Variants in PTCH1 observed in about 807,000 individuals in gnomAD.
The protein encoded by PTCH1 is patched 1, also known as protein patched homolog 1.
A neutral mutation model predicts 144.6 loss-of-function variants in PTCH1; 14 were observed. The ratio of observed to expected loss-of-function variants is 0.10; its 90% CI spans 0.06 to 0.15. The LOEUF is 0.15. PTCH1 is among the 10% of genes least tolerant of loss of function. The probability of loss-of-function intolerance (pLI) is 1.00; values close to 1 mark genes in which losing one functional copy is unlikely to be tolerated. For missense variants in PTCH1, 1,623 were observed against 1,948.3 expected (o/e 0.83, Z 3.14); for synonymous variants, 833 against 793.6 (o/e 1.05, Z -0.83).
intron 16 of PTCH1, among the ~76,000 whole-genome samples, 183 bp downstream of exon 16, chr9:95,461,673 G>C (rs1390546590): frequency 6.6e-6 from 1 of 152,248 alleles, no homozygotes; most frequent in Non-Finnish European, 1.5e-5. Context: ...TGGCTGGCCT[G>C]AGGTCACACA....
intron 12 of PTCH1, 99 bp from the exon 13 acceptor site, chr9:95,470,030 C>G: frequency 5.4e-6 from 5 of 931,206 alleles, no homozygotes; most frequent in Non-Finnish European, 8.7e-6. Flanking sequence ...ATTTTTCTTT[C>G]CCTTTCCTCT....
At position 95,462,429 on chromosome 9, in the gene PTCH1, T is replaced by C. The variant is rs532005528; in HGVS notation, c.2561-431A>G. On this transcript the variant is annotated intron_variant, in intron 15 of 23. Coordinates refer to ENST00000331920, the MANE Select transcript of PTCH1 (RefSeq NM_000264.5). ...CAGAGGGGAAAAAGCACATTCAAAC[T>C]CCCCCAACTTCAAACAGCAGCTCAG... Among the ~76,000 whole-genome samples the C allele has an allele frequency of 5.9e-5, 9 of 151,994 alleles. No homozygotes were observed. In the East Asian group the frequency reaches 1.6e-3, roughly 26 times the overall value.
Position 95,470,008 on chromosome 9 carries a change from C to G in PTCH1, c.1729-77G>C, listed in dbSNP as rs144935100. The G allele has an allele frequency of 2.6e-5, 28 of 1,060,986 alleles. No homozygotes were observed. The African/African-American group carries it at 3.0e-4, about 11-fold the overall frequency. 65.7% of individuals were successfully genotyped at this position (1,060,986 alleles called of 1,614,324 possible). A position where few individuals can be genotyped will look rare whatever the true frequency, so the allele number is the denominator to read the frequency against. ...GAGGACTGCTTCGAAAATAAAGATG[C>G]TTTTAAACAATATTTTTCTTTCCCT... On this transcript the variant is annotated intron_variant, in intron 12 of 23. Transcript: ENST00000331920.
At chr9:95,448,774 A>G (rs1838177105) in intron 22 of PTCH1, among the ~76,000 whole-genome samples, 2 of 151,110 alleles carry the variant, frequency 1.3e-5, no homozygotes, top group South Asian at 4.2e-4. Flanking sequence ...TGGCCTTTGA[A>G]GCCCAAACTG....
In PTCH1 at chr9:95,506,321, G is replaced by A. The variant is rs1843631363; in HGVS notation, c.394+86C>T. On this transcript the variant is annotated intron_variant, in intron 2 of 23. Coordinates refer to ENST00000331920, the MANE Select transcript of PTCH1 (RefSeq NM_000264.5). ...AGGGGGTTTCGCCGGCCGCAGCCAG[G>A]CTCTAGGTGTGCGCTGGCGAATATC... The A allele has an allele frequency of 2.1e-6, 3 of 1,457,810 alleles. No individual in the cohort carries two copies. In the Admixed American group the frequency reaches 6.0e-5, roughly 29 times the overall value. The allele number at this position is 1,457,810 out of a possible 1,614,324, so 90.3% of individuals were successfully genotyped here. A position where few individuals can be genotyped will look rare whatever the true frequency, so the allele number is the denominator to read the frequency against.
rs1843969058 is a variant in PTCH1 at position 95,508,814 on chromosome 9, C to T, written c.-453G>A. ...GCCAGCGAATCCCCGCTGCTCCCGC[C>T]GGCCGCGCTGGCTCTCTCGGCGCCT... is the stretch of plus-strand genomic sequence containing the variant. On this transcript the variant is annotated 5_prime_UTR_variant, in exon 1 of 24. Coordinates refer to ENST00000331920, the MANE Select transcript of PTCH1 (RefSeq NM_000264.5). The T allele has an allele frequency of 1.0e-6, 1 of 984,480 alleles. No individual in the cohort carries two copies. The highest frequency in any genetic ancestry group is 1.2e-6 in the Non-Finnish European group (1 of 829,628). The allele number at this position is 984,480 out of a possible 1,614,324, so 61.0% of individuals were successfully genotyped here. A position where few individuals can be genotyped will look rare whatever the true frequency, so the allele number is the denominator to read the frequency against.
At position 95,447,201 on chromosome 9, in the gene PTCH1, G is replaced by C. The variant is rs1022984391; in HGVS notation, c.4055C>G (p.Pro1352Arg). Residue 1352 changes from proline (P) to arginine (R), a missense_variant, in exon 23 of 24, where the codon CCA becomes CGA. This residue lies in a region of PTCH1 where 291 missense variants were observed against 287.4 expected (regional missense o/e 1.01). Transcript: ENST00000331920. ...RGARSHNPRN[P>R]ASTAMGSSVP... The stretch of plus-strand genomic sequence containing the variant: ...GGAGCTGCCCATGGCAGTGGACGCT[G>C]GGTTCCGAGGGTTGTGAGAACGGGC... 1 of 1,612,878 alleles carries C rather than the reference G, an allele frequency of 6.2e-7. No individual in the cohort carries two copies. Among genetic ancestry groups the C allele is most frequent in the African/African-American group, 1.3e-5 (1 of 74,952 alleles).
chr9:95,469,540 C>T (rs1309953831), intron 13 of PTCH1, among the ~76,000 whole-genome samples: 3 of 152,192 alleles, frequency 2.0e-5, no homozygotes, highest in Non-Finnish European at 4.4e-5. Context: ...AACATTCCTA[C>T]AATCGGCAAC....
intron 14 of PTCH1, 82 bp downstream of exon 14, chr9:95,468,669 A>G: frequency 4.5e-6 from 7 of 1,552,782 alleles, no homozygotes; most frequent in Non-Finnish European, 6.2e-6. Flanking sequence ...GAAAAAGAAG[A>G]AAAGTAGAAG....
chr9:95,498,693 A>G (rs527641517), intron 2 of PTCH1, among the ~76,000 whole-genome samples: 1 of 152,374 alleles, frequency 6.6e-6, no homozygotes, highest in Admixed American at 6.5e-5. Flanking sequence ...TATTATCATA[A>G]GCACCCAAAT....
chr9:95,493,504 TC>T (rs994603523), intron 2 of PTCH1, among the ~76,000 whole-genome samples: 3 of 151,918 alleles, frequency 2.0e-5, no homozygotes, highest in Non-Finnish European at 4.4e-5. Flanking sequence ...AGTTATTAAT[TC>T]CCCCCAAAGC....
chr9:95,492,876 G>A (rs1842521266), intron 2 of PTCH1, among the ~76,000 whole-genome samples: 1 of 151,894 alleles, frequency 6.6e-6, no homozygotes, highest in Admixed American at 6.6e-5. Context: ...TTTCCTTCTG[G>A]TCCCCAGAGA....
chr9:95,482,925 G>C (rs1398469711), intron 3 of PTCH1: 1 of 152,368 alleles, frequency 6.6e-6, no homozygotes, highest in Non-Finnish European at 1.5e-5. Context: ...TGAATGAAAT[G>C]AATGAATGAA....
intron 1 of PTCH1, chr9:95,507,772 G>C: frequency 3.6e-6 from 1 of 276,202 alleles, no homozygotes; most frequent in Non-Finnish European, 6.0e-6. Flanking sequence ...TGCAAATAGG[G>C]GCAGGGGCGC....
chr9:95,479,222 C>T (rs1841340378), intron 7 of PTCH1, 75 bp from the exon 8 acceptor site: 2 of 1,588,146 alleles, frequency 1.3e-6, no homozygotes, highest in East Asian at 2.2e-5. Flanking sequence ...AATCCCCAGC[C>T]AGCTCCCCCA....
At chr9:95,486,082 T>C (rs1841943999) in intron 2 of PTCH1, among the ~76,000 whole-genome samples, 1 of 152,266 alleles carries the variant, frequency 6.6e-6, no homozygotes, top group Non-Finnish European at 1.5e-5. Flanking sequence ...AGCCCATTAA[T>C]GGCTGTCCCG....
chr9:95,458,140 G>A lies in PTCH1; in HGVS notation c.3041C>T (p.Pro1014Leu), dbSNP rs1404012576. 5.0e-6 allele frequency: 8 copies of A among 1,614,100 alleles called. No homozygotes were observed. The highest frequency in any genetic ancestry group is 8.5e-7 in the Non-Finnish European group (1 of 1,180,060). ...LGLSSYPNGY[P>L]FLFWEQYIGL... The stretch of plus-strand genomic sequence containing the variant: ...GATGTACTGCTCCCAGAAGAGGAAG[G>A]GGTAGCCGTTGGGGTAACTGGACAG... The change falls in exon 18 of 24, where the codon CCC (proline) becomes CTC (leucine). Residue 1014 changes from proline (P) to leucine (L), a missense_variant. Around this residue, in one of 7 missense-constraint regions of PTCH1, gnomAD observed 504 missense variants for 679.3 expected, o/e 0.74. Coordinates refer to ENST00000331920, the MANE Select transcript of PTCH1 (RefSeq NM_000264.5). This position sits in a 1 kb window ranked among gnomAD's most constrained non-coding sequence, Gnocchi z 4.7.
At chr9:95,447,549 A>G (rs1838072001) in intron 22 of PTCH1, 98 bp from the exon 23 acceptor site, 3 of 1,350,228 alleles carry the variant, frequency 2.2e-6, no homozygotes, top group African/African-American at 2.9e-5. Flanking sequence ...CCAAAGACTC[A>G]GTCAACCCTG....
At chr9:95,511,161 G>C (rs1844135840), upstream of PTCH1, among the ~76,000 whole-genome samples, 1 of 149,978 alleles carries the variant, frequency 6.7e-6, no homozygotes, top group South Asian at 2.1e-4. Flanking sequence ...GGCTGCGGCG[G>C]GGCGCGCCGG....
Sources: gnomAD v4.1 joint callset for allele counts (sites outside exome capture counted in the v4.1 genomes callset) on GRCh38, gnomAD v4.1.1 for gene constraint, gnomAD v4.1.1 regional missense constraint, Gnocchi (gnomAD v3.1) non-coding constraint, MANE v1.5 for transcripts, NCBI Gene and HGNC (gene_info 2026-07-23, HGNC 2026-07-21) for gene names.